The following DCAF7 variants were observed in gnomAD, a reference collection of about 807,000 sequenced individuals.
The protein encoded by DCAF7 is DDB1 and CUL4 associated factor 7, also known as DDB1- and CUL4-associated factor 7.
DCAF7 carries 4 observed loss-of-function variants against 41.2 expected under a neutral mutation model. The ratio of observed to expected loss-of-function variants is 0.10; its 90% confidence interval spans 0.05 to 0.22. The LOEUF is 0.22. DCAF7 is among the 10% of genes least tolerant of loss of function. The pLI is 1.00. For synonymous variants in DCAF7, 143 were observed against 164.2 expected (o/e 0.87, Z 0.99); for missense variants, 131 against 443.2 (o/e 0.30, Z 6.32).
chr17:63,561,527 T>C (rs1290122125), intron 1 of DCAF7, among the ~76,000 whole-genome samples: 2 of 152,142 alleles, frequency 1.3e-5, no homozygotes. Flanking sequence ...GAGATCAGCC[T>C]GGGCAACATG....
At chr17:63,551,340 C>G (rs1417846158) in intron 1 of DCAF7, among the ~76,000 whole-genome samples, 1 of 136,504 alleles carries the variant, frequency 7.3e-6, no homozygotes, top group Non-Finnish European at 1.6e-5. Context: ...CCTAGCCCTT[C>G]TGCCAGAATT....
intron 5 of DCAF7, among the ~76,000 whole-genome samples, chr17:63,584,357 A>G (rs1445551998): frequency 1.3e-5 from 2 of 152,094 alleles, no homozygotes; most frequent in Non-Finnish European, 2.9e-5. Context: ...AGTTCCAGCT[A>G]TTCGGGAGGC....
chr17:63,560,267 G>T (rs904348141), intron 1 of DCAF7, among the ~76,000 whole-genome samples: 4 of 152,118 alleles, frequency 2.6e-5, no homozygotes, highest in Non-Finnish European at 5.9e-5. Flanking sequence ...ATTTAAATTG[G>T]CATTATTTTC....
chr17:63,575,942 T>A (rs911374108), intron 1 of DCAF7, among the ~76,000 whole-genome samples: 1 of 152,214 alleles, frequency 6.6e-6, no homozygotes, highest in Non-Finnish European at 1.5e-5. Flanking sequence ...ACTGTCTGAT[T>A]TTAGAACTTA....
chr17:63,580,860 G>C (rs544290584), intron 4 of DCAF7, among the ~76,000 whole-genome samples: 1 of 152,180 alleles, frequency 6.6e-6, no homozygotes, highest in Admixed American at 6.5e-5. Context: ...CAGTGATTTT[G>C]GAAAATCCCC....
intron 1 of DCAF7, among the ~76,000 whole-genome samples, chr17:63,566,015 C>T (rs763605232): frequency 6.6e-6 from 1 of 151,812 alleles, no homozygotes; most frequent in African/African-American, 2.4e-5. Flanking sequence ...GCAGGAGAAT[C>T]GCTTGAACCC....
chr17:63,574,701 A>T (rs2033542665), intron 1 of DCAF7, among the ~76,000 whole-genome samples: 1 of 152,252 alleles, frequency 6.6e-6, no homozygotes, highest in South Asian at 2.1e-4. Context: ...GGTCAAGCAC[A>T]GTGGCTCATA....
At chr17:63,568,417 G>A (rs1359570554) in intron 1 of DCAF7, among the ~76,000 whole-genome samples, 1 of 152,072 alleles carries the variant, frequency 6.6e-6, no homozygotes, top group East Asian at 1.9e-4. Flanking sequence ...CTTTGCTTTG[G>A]TTATCAGTTA....
chr17:63,559,822 C>T (rs1365721717), intron 1 of DCAF7, among the ~76,000 whole-genome samples: 1 of 151,922 alleles, frequency 6.6e-6, no homozygotes, highest in East Asian at 1.9e-4. Flanking sequence ...AAACCTTGTA[C>T]CAGAATTCCA....
intron 1 of DCAF7, among the ~76,000 whole-genome samples, chr17:63,569,553 C>A (rs2033482745): frequency 6.6e-6 from 1 of 152,154 alleles, no homozygotes; most frequent in Admixed American, 6.5e-5. Context: ...GTCATGGCTT[C>A]ATATATACCA....
chr17:63,585,625 G>C (rs954858740), intron 6 of DCAF7, among the ~76,000 whole-genome samples: 19 of 152,186 alleles, frequency 1.2e-4, no homozygotes, highest in Non-Finnish European at 2.1e-4. Flanking sequence ...TCAATTCCAG[G>C]AATATGGGGA....
chr17:63,550,590 TCCCTTCGGA>T lies in DCAF7; in HGVS notation c.-84_-76del. 1 of 1,538,996 alleles carries T rather than the reference TCCCTTCGGA, an allele frequency of 6.5e-7. No individual in the cohort carries two copies. Among genetic ancestry groups the T allele is most frequent in the Non-Finnish European group, 8.8e-7 (1 of 1,136,166 alleles). On this transcript the variant is annotated 5_prime_UTR_variant, in exon 1 of 7. Transcript: ENST00000614556. This position sits in a 1 kb window ranked among gnomAD's most constrained non-coding sequence, Gnocchi z 4.8. ...CGTTCCTGCCCGCCCCCTCCTCTCCTCCCTTCGGACCCATAGATCTCAGGCTCGGCTCCC... is the reference window on the plus strand; with the variant it reads ...CGTTCCTGCCCGCCCCCTCCTCTCCTCCCATAGATCTCAGGCTCGGCTCCC...
rs938703742 is a variant in DCAF7, at chr17:63,550,998, A to G, written c.138+183A>G. Among the ~76,000 whole-genome samples the G allele has an allele frequency of 6.6e-5, 10 of 152,230 alleles. No homozygotes were observed. Among genetic ancestry groups the G allele is most frequent in the Non-Finnish European group, 1.2e-4 (8 of 68,036 alleles). ...GTTGTCTGTCTCCTTTAATCCAGGC[A>G]GCATTCTTGTGTAGTCGGCAGTGTA... On this transcript the variant is annotated intron_variant, in intron 1 of 6. Coordinates refer to ENST00000614556, the MANE Select transcript of DCAF7 (RefSeq NM_005828.5). The surrounding 1 kb of genome is among the most constrained non-coding windows in gnomAD (Gnocchi z 4.8).
chr17:63,589,331 C>T lies in DCAF7; in HGVS notation c.*159C>T, dbSNP rs1241846465. On this transcript the variant is annotated 3_prime_UTR_variant, in exon 7 of 7. Coordinates refer to ENST00000614556, the MANE Select transcript of DCAF7 (RefSeq NM_005828.5). ...TGCTCTAGGAGTTCCTGGCCAGTCA[C>T]CCCATCGCCCTCTGTGGCAGACTCA... The T allele has an allele frequency of 1.0e-6, 1 of 960,566 alleles. No homozygotes were observed. The highest frequency in any genetic ancestry group is 1.6e-6 in the Non-Finnish European group (1 of 621,978). The allele number at this position is 960,566 out of a possible 1,614,324, so 59.5% of individuals were successfully genotyped here.
At chr17:63,552,058 A>G (rs868249414) in intron 1 of DCAF7, among the ~76,000 whole-genome samples, 5 of 151,928 alleles carry the variant, frequency 3.3e-5, no homozygotes, top group South Asian at 2.1e-4. Flanking sequence ...AGCCTGGGCG[A>G]CAGAGTGAGA....
At chr17:63,583,323 G>A (rs1173201572) in intron 4 of DCAF7, among the ~76,000 whole-genome samples, 179 bp from the exon 5 acceptor site, 1 of 152,164 alleles carries the variant, frequency 6.6e-6, no homozygotes, top group Non-Finnish European at 1.5e-5. Flanking sequence ...TTCCATCTTT[G>A]GGAAGCCACT....
intron 6 of DCAF7, among the ~76,000 whole-genome samples, chr17:63,588,189 ATTTT>A (rs377638787): frequency 8.3e-6 from 1 of 120,256 alleles, no homozygotes; most frequent in Non-Finnish European, 1.6e-5. Flanking sequence ...ATTTTCTTGG[ATTTT>A]TTTTTTTTTT....
At chr17:63,582,460 C>G (rs1312782379) in intron 4 of DCAF7, among the ~76,000 whole-genome samples, 1 of 151,570 alleles carries the variant, frequency 6.6e-6, no homozygotes, top group Non-Finnish European at 1.5e-5. Context: ...CTCTTCGTCC[C>G]TCTTCGTCCT....
At chr17:63,574,600 T>C (rs2033541506) in intron 1 of DCAF7, among the ~76,000 whole-genome samples, 1 of 152,252 alleles carries the variant, frequency 6.6e-6, no homozygotes, top group African/African-American at 2.4e-5. Context: ...GTAGCAAAGT[T>C]ATAGAAGCCA....
Sources: allele counts gnomAD v4.1 joint callset (sites outside exome capture counted in the v4.1 genomes callset), GRCh38; gene constraint gnomAD v4.1.1; non-coding constraint Gnocchi (gnomAD v3.1); transcripts MANE v1.5; gene names NCBI Gene and HGNC (gene_info 2026-07-23, HGNC 2026-07-21).